CSF2RA: variants seen among roughly 807,000 people sequenced by gnomAD.
The protein encoded by CSF2RA is colony stimulating factor 2 receptor subunit alpha, also known as granulocyte-macrophage colony-stimulating factor receptor subunit alpha.
Under a neutral mutation model 51.6 loss-of-function variants are expected in CSF2RA, and 42 were observed. That is an observed-to-expected ratio of 0.81 (90% confidence interval 0.64 to 1.05). The LOEUF is 1.05. CSF2RA is among the 50% of genes least tolerant of loss of function. The pLI, the probability that CSF2RA is intolerant of heterozygous loss-of-function variation, is 0.00. For missense variants in CSF2RA, 530 were observed against 501.1 expected (o/e 1.06, Z -0.55); for synonymous variants, 222 against 193.0 (o/e 1.15, Z -1.24).
At chrX:1,308,481 C>T (rs139589421) in intron 12 of CSF2RA, among the ~76,000 whole-genome samples, 5 of 152,072 alleles carry the variant, frequency 3.3e-5, no homozygotes, top group East Asian at 1.9e-4. Context: ...GAGAGACTTG[C>T]GTGACCCACA....
intron 2 of CSF2RA, among the ~76,000 whole-genome samples, chrX:1,280,407 G>C (rs1350871994): frequency 1.3e-5 from 2 of 150,180 alleles, no homozygotes; most frequent in African/African-American, 4.9e-5. Context: ...GGAGGCGGAG[G>C]TTGCAGTGAG....
downstream of CSF2RA, among the ~76,000 whole-genome samples, chrX:1,310,742 C>T (rs1301673522): frequency 1.3e-5 from 2 of 151,708 alleles, no homozygotes; most frequent in East Asian, 1.9e-4. Context: ...TTAGTAGGTC[C>T]GGTTCCTTCT....
chrX:1,286,844 G>C (rs1317719730), intron 4 of CSF2RA, among the ~76,000 whole-genome samples: 2 of 152,098 alleles, frequency 1.3e-5, no homozygotes, highest in African/African-American at 4.8e-5. Flanking sequence ...GAAAAGTAAA[G>C]TGTCAGTCAC....
At chrX:1,290,262 T>C in intron 6 of CSF2RA, 75 bp from the exon 7 acceptor site, 1 of 1,240,210 alleles carries the variant, frequency 8.1e-7, no homozygotes, top group Non-Finnish European at 1.2e-6. Flanking sequence ...TTTGTGTTTG[T>C]TTTTGTTTTG....
At chrX:1,317,413 G>A in the CSF2RA span, among the ~76,000 whole-genome samples, 5 of 148,352 alleles carry the variant, frequency 3.4e-5, no homozygotes, top group Admixed American at 2.0e-4. Context: ...CACCACGCCC[G>A]GCTAATTGTG....
intron 3 of CSF2RA, among the ~76,000 whole-genome samples, chrX:1,285,017 C>G (rs1298681009): frequency 1.3e-5 from 2 of 151,762 alleles, no homozygotes; most frequent in African/African-American, 2.4e-5. Context: ...AAGGAGCAAG[C>G]TGGGACCACA....
chrX:1,269,740 A>G (rs1243213127), intron 1 of CSF2RA, among the ~76,000 whole-genome samples: 1 of 152,018 alleles, frequency 6.6e-6, no homozygotes, highest in Non-Finnish European at 1.5e-5. Flanking sequence ...GACTTCAAGA[A>G]CGGGTTCTGG....
intron 1 of CSF2RA, among the ~76,000 whole-genome samples, chrX:1,270,530 C>T (rs2088239481): frequency 6.6e-6 from 1 of 152,010 alleles, no homozygotes; most frequent in Non-Finnish European, 1.5e-5. Context: ...TGGGCCACCG[C>T]GCCTGGCCCA....
intron 4 of CSF2RA, among the ~76,000 whole-genome samples, chrX:1,288,066 G>C (rs1242974069): frequency 5.3e-5 from 8 of 151,636 alleles, no homozygotes; most frequent in Non-Finnish European, 8.8e-5. Context: ...CACTGCTAGA[G>C]TATAAGATTG....
At chrX:1,306,893 G>A (rs1452365867) in intron 12 of CSF2RA, among the ~76,000 whole-genome samples, 3 of 151,610 alleles carry the variant, frequency 2.0e-5, no homozygotes. Context: ...AAGAGACAGA[G>A]AGCAAGGGAT....
chrX:1,293,044 A>G, intron 7 of CSF2RA, among the ~76,000 whole-genome samples: 1 of 152,224 alleles, frequency 6.6e-6, no homozygotes, highest in South Asian at 2.1e-4. Flanking sequence ...GCTGCCTGCA[A>G]ACCTATTGTT....
At chrX:1,291,947 G>A (rs2091443884) in intron 7 of CSF2RA, among the ~76,000 whole-genome samples, 3 of 126,102 alleles carry the variant, frequency 2.4e-5, no homozygotes, top group South Asian at 5.2e-4. Context: ...TTTACCCAGT[G>A]TAGACAGAAG....
At chrX:1,302,492 AT>A (rs1301447392) in intron 10 of CSF2RA, among the ~76,000 whole-genome samples, 1 of 151,590 alleles carries the variant, frequency 6.6e-6, no homozygotes, top group African/African-American at 2.4e-5. Context: ...CCTGTAAGAA[AT>A]TTTTTTTGTT....
chrX:1,305,856 G>A, intron 12 of CSF2RA: 1 of 1,441,586 alleles, frequency 6.9e-7, no homozygotes. Flanking sequence ...TGAGGCATGT[G>A]GATCATCTGA....
chrX:1,321,134 C>T, the CSF2RA span, among the ~76,000 whole-genome samples: 17 of 152,062 alleles, frequency 1.1e-4, no homozygotes, highest in African/African-American at 4.1e-4. Flanking sequence ...TCAGCCCCAA[C>T]TTGGCATATT....
downstream of CSF2RA, among the ~76,000 whole-genome samples, chrX:1,312,296 C>G (rs2084224383): frequency 6.6e-6 from 1 of 152,146 alleles, no homozygotes; most frequent in Admixed American, 6.6e-5. Flanking sequence ...AGAATCATCT[C>G]TCCATGGCAA....
chrX:1,300,736 G>A (rs1416299059), intron 10 of CSF2RA, 110 bp downstream of exon 10: 21 of 1,381,854 alleles, frequency 1.5e-5, no homozygotes, highest in Admixed American at 3.4e-5. Flanking sequence ...TGAGCACGTC[G>A]CTGGGAGTAG....
chrX:1,288,972 C>G, intron 6 of CSF2RA, 84 bp downstream of exon 6: 1 of 1,582,706 alleles, frequency 6.3e-7, no homozygotes, highest in East Asian at 2.2e-5. Context: ...TTTCCTTTTT[C>G]TTTTTTTAAG....
At chrX:1,291,593 C>G (rs1331927559) in intron 7 of CSF2RA, among the ~76,000 whole-genome samples, 1 of 152,054 alleles carries the variant, frequency 6.6e-6, no homozygotes, top group South Asian at 2.1e-4. Flanking sequence ...TGGACGTTCC[C>G]AGCCTCTTCA....
Sources: allele counts gnomAD v4.1 joint callset (sites outside exome capture counted in the v4.1 genomes callset), GRCh38; gene constraint gnomAD v4.1.1; transcripts MANE v1.5; gene names NCBI Gene and HGNC (gene_info 2026-07-23, HGNC 2026-07-21).